The following SCMH1 variants were observed in gnomAD, a reference collection of about 807,000 sequenced individuals.
The protein encoded by SCMH1 is polycomb protein SCMH1.
SCMH1 carries 37 observed loss-of-function variants against 70.8 expected under a neutral mutation model. The ratio of observed to expected loss-of-function variants is 0.52; its 90% confidence interval spans 0.40 to 0.69. SCMH1 has a LOEUF of 0.69. Among genes scored for constraint, SCMH1 ranks in the 30% least tolerant of loss-of-function variants. The pLI is 0.00. For synonymous variants in SCMH1, 292 were observed against 307.4 expected, an observed-to-expected ratio of 0.95 and a Z score of 0.52; for missense variants, 607 against 827.3, an observed-to-expected ratio of 0.73 and a Z score of 3.27.
At chr1:41,123,352 T>C (rs1672408525) in intron 6 of SCMH1, among the ~76,000 whole-genome samples, 1 of 152,158 alleles carries the variant, frequency 6.6e-6, no homozygotes, top group Non-Finnish European at 1.5e-5. Context: ...AAGGATTCCT[T>C]TGAAGTTACT....
At chr1:41,156,953 C>CTTTTTT (rs66641047) in intron 4 of SCMH1, among the ~76,000 whole-genome samples, 1 of 110,852 alleles carries the variant, frequency 9.0e-6, no homozygotes, top group Non-Finnish European at 1.8e-5. Flanking sequence ...TATAAGCCAA[C>CTTTTTT]TTTTTTTTTT....
chr1:41,109,491 C>T (rs549134795), intron 8 of SCMH1, among the ~76,000 whole-genome samples: 172 of 152,272 alleles, frequency 1.1e-3, no homozygotes, highest in Admixed American at 2.1e-3. Flanking sequence ...TCACTTGCTC[C>T]TTAGCCAGGA....
chr1:41,039,884 C>A (rs1235023297), intron 12 of SCMH1, among the ~76,000 whole-genome samples: 2 of 151,762 alleles, frequency 1.3e-5, no homozygotes, highest in Non-Finnish European at 1.5e-5. Flanking sequence ...CAAAACTACT[C>A]TGGTTTTAAT....
intron 8 of SCMH1, among the ~76,000 whole-genome samples, chr1:41,095,150 C>A (rs1225170071): frequency 6.6e-6 from 1 of 152,196 alleles, no homozygotes; most frequent in Non-Finnish European, 1.5e-5. Flanking sequence ...ATGTCCACAT[C>A]TTACAATTAT....
At chr1:41,146,191 G>C (rs1455787007) in intron 5 of SCMH1, among the ~76,000 whole-genome samples, 1 of 149,210 alleles carries the variant, frequency 6.7e-6, no homozygotes, top group Non-Finnish European at 1.5e-5. Flanking sequence ...AATGTCTTAA[G>C]TTTTTTAACA....
chr1:41,068,137 G>T (rs1046477468), intron 10 of SCMH1, among the ~76,000 whole-genome samples: 1 of 152,150 alleles, frequency 6.6e-6, no homozygotes, highest in Non-Finnish European at 1.5e-5. Flanking sequence ...TGCAGGTCTG[G>T]TGTTTCTACC....
chr1:41,134,217 T>C (rs1028306064), intron 6 of SCMH1, among the ~76,000 whole-genome samples: 1 of 152,170 alleles, frequency 6.6e-6, no homozygotes, highest in South Asian at 2.1e-4. Context: ...GAAAAGGCCT[T>C]TGACAAAATT....
At chr1:41,238,907 A>T (rs964411557) in intron 1 of SCMH1, among the ~76,000 whole-genome samples, 4 of 152,164 alleles carry the variant, frequency 2.6e-5, no homozygotes, top group Non-Finnish European at 4.4e-5. Flanking sequence ...GTCTCAGTTA[A>T]AATTACCAAC....
upstream of SCMH1, chr1:41,242,131 G>A (rs1663728204): frequency 6.7e-6 from 1 of 149,110 alleles, no homozygotes; most frequent in South Asian, 1.8e-4. This position sits in a 1 kb window ranked among gnomAD's most constrained non-coding sequence, Gnocchi z 5.2. Flanking sequence ...CAGGGAGGGA[G>A]CGGAGACGCG....
intron 4 of SCMH1, among the ~76,000 whole-genome samples, chr1:41,153,528 C>T (rs1645253026): frequency 6.6e-6 from 1 of 152,096 alleles, no homozygotes; most frequent in South Asian, 2.1e-4. Context: ...GTATTAATTA[C>T]AGTTCTCCAT....
chr1:41,069,626 T>C (rs1444779146), intron 10 of SCMH1, among the ~76,000 whole-genome samples: 1 of 152,228 alleles, frequency 6.6e-6, no homozygotes, highest in Non-Finnish European at 1.5e-5. Context: ...ATTGTTAACA[T>C]TTGAAGGGAC....
Position 41,160,867 on chromosome 1 carries a change from T to C in SCMH1, c.106+8A>G. 2 of 1,549,936 alleles carry C rather than the reference T, an allele frequency of 1.3e-6. No homozygotes were observed. Among genetic ancestry groups the C allele is most frequent in the Admixed American group, 2.0e-5 (1 of 50,984 alleles). On this transcript the variant is annotated splice_region_variant and intron_variant, in intron 4 of 14. Coordinates refer to ENST00000337495, the Ensembl canonical transcript of SCMH1. ...TTATTTAACAGAAACACAAGAAAAATAGCTTACCTAGATCCAGGATGTCAG... is the reference window on the plus strand; with the variant it reads ...TTATTTAACAGAAACACAAGAAAAACAGCTTACCTAGATCCAGGATGTCAG...
intron 8 of SCMH1, among the ~76,000 whole-genome samples, chr1:41,101,440 A>G (rs1666626255): frequency 6.6e-6 from 1 of 152,238 alleles, no homozygotes; most frequent in Non-Finnish European, 1.5e-5. Context: ...TAGTAGGGCA[A>G]ATAACTGATT....
In SCMH1 at chr1:41,146,417, C is replaced by T. The variant is rs576184866; in HGVS notation, c.178-3305G>A. On this transcript the variant is annotated intron_variant, in intron 5 of 14. Coordinates refer to ENST00000337495, the Ensembl canonical transcript of SCMH1. ...TAGCCTGGGTGTACAGCGTTTATAA[C>T]GTTGACAGTGGTACGCAGTTCACCA... Among the ~76,000 whole-genome samples the T allele has an allele frequency of 4.6e-5, 7 of 152,086 alleles. No individual in the cohort carries two copies. In the East Asian group the frequency reaches 7.7e-4, roughly 17 times the overall value.
At chr1:41,221,950 CATCAT>C (rs1057488148) in intron 1 of SCMH1, among the ~76,000 whole-genome samples, 1 of 127,322 alleles carries the variant, frequency 7.9e-6, no homozygotes, top group African/African-American at 2.9e-5. Flanking sequence ...TGGAGATTGA[CATCAT>C]TAAGCAATCA....
intron 2 of SCMH1, among the ~76,000 whole-genome samples, chr1:41,162,388 C>A (rs1252740009): frequency 1.3e-5 from 2 of 152,090 alleles, no homozygotes; most frequent in Non-Finnish European, 2.9e-5. Context: ...CCAGGGAGAG[C>A]CTGAAGGCTG....
chr1:41,216,639 A>G (rs1226899218), intron 1 of SCMH1, among the ~76,000 whole-genome samples: 3 of 152,250 alleles, frequency 2.0e-5, no homozygotes, highest in Non-Finnish European at 4.4e-5. Context: ...CCAAATCATA[A>G]GCTGTTAACA....
chr1:41,072,724 G>C (rs1469545855), intron 9 of SCMH1, among the ~76,000 whole-genome samples: 1 of 152,012 alleles, frequency 6.6e-6, no homozygotes, highest in East Asian at 1.9e-4. Context: ...AAATTAGCTG[G>C]GCATAGTGGC....
At position 41,113,265 on chromosome 1, in the gene SCMH1, A is replaced by G. The variant is rs1237418619; in HGVS notation, c.745+18T>C. ...TCATCTGGGTCCTGATTTCAAGAGC[A>G]CGTAGATGGGCCTTTACCTTTGGTG... On this transcript the variant is annotated intron_variant, in intron 8 of 14. Transcript: ENST00000337495. This position sits in a 1 kb window ranked among gnomAD's most constrained non-coding sequence, Gnocchi z 4.3. 1 of 1,609,478 alleles carries G rather than the reference A, an allele frequency of 6.2e-7. No individual in the cohort carries two copies. Among genetic ancestry groups the G allele is most frequent in the Non-Finnish European group, 8.5e-7 (1 of 1,178,136 alleles).
Sources: gnomAD v4.1 joint callset for allele counts (sites outside exome capture counted in the v4.1 genomes callset) on GRCh38, gnomAD v4.1.1 for gene constraint, Gnocchi (gnomAD v3.1) non-coding constraint, MANE v1.5 for transcripts, NCBI Gene and HGNC (gene_info 2026-07-23, HGNC 2026-07-21) for gene names.